RIMBP2: variants seen among roughly 807,000 people sequenced by gnomAD.
RIMBP2 encodes the protein RIMS binding protein 2, also known as RIMS-binding protein 2.
A neutral mutation model predicts 118.6 loss-of-function variants in RIMBP2; 48 were observed. That is an observed-to-expected ratio of 0.40 (90% CI 0.32 to 0.51). The LOEUF is 0.51. Among genes scored for constraint, RIMBP2 ranks in the 20% least tolerant of loss-of-function variants. The pLI is 0.41. For missense variants in RIMBP2, 1,551 were observed against 1,768.3 expected (o/e 0.88, Z 2.20); for synonymous variants, 762 against 742.9 (o/e 1.03, Z -0.42).
Position 130,397,292 on chromosome 12 carries a change from G to C in RIMBP2, c.*69C>G. ...TTGGGTTTTTTTAGGAAGTACTTGAGTCATGAAAGCCCTAGTTTGGAATTA... is the reference window on the plus strand; with the variant it reads ...TTGGGTTTTTTTAGGAAGTACTTGACTCATGAAAGCCCTAGTTTGGAATTA... On this transcript the variant is annotated 3_prime_UTR_variant, in exon 23 of 23. Coordinates refer to ENST00000690449, the MANE Select transcript of RIMBP2 (RefSeq NM_001393629.1). 1 of 397,994 alleles carries C rather than the reference G, an allele frequency of 2.5e-6. No homozygotes were observed. The allele number at this position is 397,994 out of a possible 1,614,324, so 24.7% of individuals were successfully genotyped here.
At position 130,535,753 on chromosome 12, in the gene RIMBP2, A is replaced by G. The variant is rs1195963045; in HGVS notation, c.-216-17836T>C. Among the ~76,000 whole-genome samples the G allele has an allele frequency of 4.5e-3, 158 of 35,398 alleles. 1 individual carries two copies. Among genetic ancestry groups the G allele is most frequent in the Non-Finnish European group, 8.1e-3 (116 of 14,400 alleles). The allele number at this position is 35,398 out of a possible 152,430, so 23.2% of individuals were successfully genotyped here. Reference sequence around the variant, plus strand: ...CATATATATACATATATATATATATATATATATATATATATATATATATAT... The same window carrying G: ...CATATATATACATATATATATATATGTATATATATATATATATATATATAT... On this transcript the variant is annotated intron_variant, in intron 2 of 22. Transcript: ENST00000690449.
chr12:130,474,994 C>T (rs2081311408), intron 5 of RIMBP2, among the ~76,000 whole-genome samples: 1 of 152,204 alleles, frequency 6.6e-6, no homozygotes, highest in Non-Finnish European at 1.5e-5. Context: ...CTCCCGGTCT[C>T]CAGGAAGCAC....
intron 21 of RIMBP2, among the ~76,000 whole-genome samples, chr12:130,402,501 C>G (rs1256780553): frequency 1.3e-5 from 2 of 152,158 alleles, no homozygotes; most frequent in African/African-American, 4.8e-5. Flanking sequence ...CCTGGACCCA[C>G]TCCCATCCCC....
chr12:130,544,356 T>C (rs551583556), intron 2 of RIMBP2, among the ~76,000 whole-genome samples: 74 of 152,202 alleles, frequency 4.9e-4, no homozygotes, highest in Non-Finnish European at 9.8e-4. Flanking sequence ...TGGGACAGGA[T>C]TGGTCAGCTG....
At chr12:130,467,262 C>A (rs780758625) in intron 6 of RIMBP2, among the ~76,000 whole-genome samples, 5 of 152,220 alleles carry the variant, frequency 3.3e-5, no homozygotes, top group Non-Finnish European at 4.4e-5. Context: ...TGTTTAAGAG[C>A]CATGCAGCTA....
chr12:130,542,719 T>C (rs2054725744), intron 2 of RIMBP2, among the ~76,000 whole-genome samples: 1 of 152,246 alleles, frequency 6.6e-6, no homozygotes, highest in South Asian at 2.1e-4. Flanking sequence ...CTTGTGACTC[T>C]AGATGCAATC....
At chr12:130,454,794 C>T (rs773349970) in intron 7 of RIMBP2, among the ~76,000 whole-genome samples, 13 of 152,230 alleles carry the variant, frequency 8.5e-5, no homozygotes, top group Non-Finnish European at 1.6e-4. Context: ...GGGAGCTTTG[C>T]AGCGGGTTCC....
intron 2 of RIMBP2, among the ~76,000 whole-genome samples, chr12:130,519,983 G>A (rs1001194470): frequency 3.9e-5 from 6 of 152,272 alleles, no homozygotes; most frequent in Middle Eastern, 3.4e-3. Flanking sequence ...TGAAGGCATT[G>A]CAATGACTGC....
intron 4 of RIMBP2, among the ~76,000 whole-genome samples, chr12:130,481,083 G>A (rs1212534424): frequency 6.6e-6 from 1 of 152,048 alleles, no homozygotes; most frequent in Admixed American, 6.5e-5. Context: ...GCTGAGACTG[G>A]CAAGCTGTGA....
At chr12:130,456,380 G>T in intron 7 of RIMBP2, 116 bp downstream of exon 7, 1 of 824,258 alleles carries the variant, frequency 1.2e-6, no homozygotes, top group Non-Finnish European at 1.9e-6. Context: ...GCAGTGGCGG[G>T]TCCCTGTACC....
chr12:130,472,705 G>A (rs1028192889), intron 5 of RIMBP2, among the ~76,000 whole-genome samples: 1 of 152,172 alleles, frequency 6.6e-6, no homozygotes, highest in African/African-American at 2.4e-5. Context: ...CTGAAAACAG[G>A]GAAGAGCTTG....
At chr12:130,656,860 G>A (rs186322230) in intron 1 of RIMBP2, among the ~76,000 whole-genome samples, 6 of 152,192 alleles carry the variant, frequency 3.9e-5, no homozygotes, top group Admixed American at 2.0e-4. Context: ...AGTGAGCCAA[G>A]ATTGCACCAC....
chr12:130,526,248 C>T (rs549328602), intron 2 of RIMBP2, among the ~76,000 whole-genome samples: 16 of 151,958 alleles, frequency 1.1e-4, no homozygotes, highest in African/African-American at 2.4e-4. Context: ...CTATTCAGGA[C>T]GAAAGCCAAC....
At chr12:130,613,695 TC>T (rs997279868) in intron 2 of RIMBP2, among the ~76,000 whole-genome samples, 2 of 150,588 alleles carry the variant, frequency 1.3e-5, no homozygotes, top group African/African-American at 4.9e-5. Flanking sequence ...GTGCCTGTGA[TC>T]CCAGCTACTC....
chr12:130,629,542 T>G (rs2061852229), intron 1 of RIMBP2, among the ~76,000 whole-genome samples: 1 of 152,104 alleles, frequency 6.6e-6, no homozygotes, highest in Admixed American at 6.5e-5. Context: ...ATGAGGGAGC[T>G]CAGGACTCAC....
At chr12:130,465,218 G>C (rs1003628227) in intron 6 of RIMBP2, 1 of 152,228 alleles carries the variant, frequency 6.6e-6, no homozygotes. Flanking sequence ...AGGGAGGAAG[G>C]GGGGCTGTTC....
chr12:130,663,669 C>G (rs1348266714), intron 1 of RIMBP2, among the ~76,000 whole-genome samples: 1 of 151,698 alleles, frequency 6.6e-6, no homozygotes, highest in African/African-American at 2.4e-5. Context: ...CTAGCAGCAC[C>G]GTGACATGGG....
chr12:130,422,010 C>T lies in RIMBP2; in HGVS notation c.3238+443G>A, dbSNP rs548772307. Among the ~76,000 whole-genome samples, 1 of 152,298 alleles carries T rather than the reference C, an allele frequency of 6.6e-6. No individual in the cohort carries two copies. The highest frequency in any genetic ancestry group is 2.4e-5 in the African/African-American group (1 of 41,566). On this transcript the variant is annotated intron_variant, in intron 17 of 22. Transcript: ENST00000690449. The surrounding 1 kb of genome is among the most constrained non-coding windows in gnomAD (Gnocchi z 5.2). ...AGGGGCACACTCAGCTGCACGGTGT[C>T]CCCCAGGATTTAGCTCTGCTGCCAG...
At chr12:130,687,197 A>G (rs1339656153) in intron 1 of RIMBP2, among the ~76,000 whole-genome samples, 2 of 152,236 alleles carry the variant, frequency 1.3e-5, no homozygotes, top group Non-Finnish European at 2.9e-5. Context: ...TTCAAAGGGC[A>G]GGATCGAGAG....
Sources: allele counts gnomAD v4.1 joint callset (sites outside exome capture counted in the v4.1 genomes callset), GRCh38; gene constraint gnomAD v4.1.1; non-coding constraint Gnocchi (gnomAD v3.1); transcripts MANE v1.5; gene names NCBI Gene and HGNC (gene_info 2026-07-23, HGNC 2026-07-21).